Variants in CHCHD6 observed in about 807,000 individuals in gnomAD.
CHCHD6 encodes coiled-coil-helix-coiled-coil-helix domain containing 6.
Under a neutral mutation model 32.3 loss-of-function variants are expected in CHCHD6, and 28 were observed. The ratio of observed to expected loss-of-function variants is 0.87; its 90% CI spans 0.64 to 1.19. The LOEUF is 1.19. CHCHD6 is among the 50% of genes most tolerant of loss of function. The pLI is 0.00. For synonymous variants in CHCHD6, 122 were observed against 117.5 expected (o/e 1.04, Z -0.25); for missense variants, 333 against 307.0 (o/e 1.08, Z -0.63).
In CHCHD6 at chr3:126,852,648, C is replaced by T; in HGVS notation, c.413C>T (p.Ala138Val). Residue 138 changes from alanine (A) to valine (V), a missense_variant and splice_region_variant, in exon 5 of 8, where the codon GCC (alanine) becomes GTC (valine). By Grantham distance (64) the Ala-to-Val change is moderately conservative (BLOSUM62 0). Transcript: ENST00000290913. ...TGGGCTTTGTTCTCTTCCAAGCAGGCCAGGGAGCTGGAGAGCAGAGAGGCA... is the reference window on the plus strand; with the variant it reads ...TGGGCTTTGTTCTCTTCCAAGCAGGTCAGGGAGCTGGAGAGCAGAGAGGCA... ...SHEEQKSVRL[A>V]RELESREAEL... 1 of 1,612,924 alleles carries T rather than the reference C, an allele frequency of 6.2e-7. No individual in the cohort carries two copies. Among genetic ancestry groups the T allele is most frequent in the Middle Eastern group, 1.7e-4 (1 of 6,056 alleles).
At chr3:126,871,096 A>G (rs2077463815) in intron 5 of CHCHD6, among the ~76,000 whole-genome samples, 1 of 152,098 alleles carries the variant, frequency 6.6e-6, no homozygotes. Context: ...CATACGTTCC[A>G]ATTCCCTCAT....
intron 6 of CHCHD6, among the ~76,000 whole-genome samples, chr3:126,915,254 T>A (rs1302343172): frequency 6.6e-6 from 1 of 152,244 alleles, no homozygotes; most frequent in Non-Finnish European, 1.5e-5. Flanking sequence ...CTCAGAGAGC[T>A]GCTGGCTTGC....
At chr3:126,847,850 C>T (rs1032914391) in intron 4 of CHCHD6, among the ~76,000 whole-genome samples, 3 of 152,102 alleles carry the variant, frequency 2.0e-5, no homozygotes, top group East Asian at 1.9e-4. Flanking sequence ...TGGCTTCCGT[C>T]CTCCTTCCCC....
At chr3:126,949,520 GC>G (rs2078685266) in intron 6 of CHCHD6, 1 of 179,134 alleles carries the variant, frequency 5.6e-6, no homozygotes, top group African/African-American at 2.5e-5. Flanking sequence ...GTGGACTGCC[GC>G]CGTGGACGGA....
rs1167321481 is a variant in CHCHD6 at position 126,913,545 on chromosome 3, G to GGACT, written c.496-1131_496-1128dup. Among the ~76,000 whole-genome samples, 13 of 152,124 alleles carry GGACT rather than the reference G, an allele frequency of 8.5e-5. No individual in the cohort carries two copies. The South Asian group carries it at 2.7e-3, about 32-fold the overall frequency. ...AGTAGATGTGGTTGTGTCTGCAAAG[G>GGACT]GACTGACCTTAAGCCAACTCCAGGT... On this transcript the variant is annotated intron_variant, in intron 5 of 7. Coordinates refer to ENST00000290913, the MANE Select transcript of CHCHD6 (RefSeq NM_032343.3).
intron 5 of CHCHD6, among the ~76,000 whole-genome samples, chr3:126,881,660 G>A (rs915826692): frequency 2.0e-5 from 3 of 152,220 alleles, no homozygotes; most frequent in Non-Finnish European, 4.4e-5. Flanking sequence ...GGGATGGAAA[G>A]GAGCTTCTCG....
At chr3:126,767,157 G>A (rs1377203542) in intron 4 of CHCHD6, 9 of 1,591,046 alleles carry the variant, frequency 5.7e-6, no homozygotes, top group Admixed American at 1.7e-5. Context: ...AAGGAATAGA[G>A]GTTTCCTTTG....
chr3:126,801,833 C>A (rs1939091305), intron 4 of CHCHD6, among the ~76,000 whole-genome samples: 1 of 152,304 alleles, frequency 6.6e-6, no homozygotes, highest in African/African-American at 2.4e-5. Flanking sequence ...CAGACTGACA[C>A]CTCACACAGC....
At chr3:126,855,546 C>T (rs1338546866) in intron 5 of CHCHD6, among the ~76,000 whole-genome samples, 1 of 152,180 alleles carries the variant, frequency 6.6e-6, no homozygotes, top group Non-Finnish European at 1.5e-5. Flanking sequence ...CACATATATG[C>T]ATGCTGAGAT....
At chr3:126,782,256 T>C (rs1177545645) in intron 4 of CHCHD6, among the ~76,000 whole-genome samples, 3 of 152,230 alleles carry the variant, frequency 2.0e-5, no homozygotes, top group Non-Finnish European at 4.4e-5. Flanking sequence ...GCTGCCTGTT[T>C]GTTGTGCTCT....
At chr3:126,806,997 G>A (rs1033844486) in intron 4 of CHCHD6, among the ~76,000 whole-genome samples, 19 of 142,756 alleles carry the variant, frequency 1.3e-4, no homozygotes, top group East Asian at 4.2e-4. Context: ...GAATTGAACA[G>A]TGAGAACACA....
chr3:126,906,220 G>A (rs1387153964), intron 5 of CHCHD6, among the ~76,000 whole-genome samples: 1 of 152,184 alleles, frequency 6.6e-6, no homozygotes, highest in Admixed American at 6.5e-5. Flanking sequence ...TAGTGGAGAT[G>A]GTATTCCATG....
chr3:126,865,561 G>A (rs561474857), intron 5 of CHCHD6: 1 of 984,864 alleles, frequency 1.0e-6, no homozygotes, highest in Admixed American at 6.2e-5. Context: ...TTGCACTTCT[G>A]CAACCTCTGC....
chr3:126,724,315 A>G (rs922153545), intron 1 of CHCHD6, among the ~76,000 whole-genome samples: 6 of 152,222 alleles, frequency 3.9e-5, no homozygotes, highest in Non-Finnish European at 7.3e-5. Context: ...ACCACAGTAC[A>G]GTGGACATCA....
chr3:126,753,505 T>A (rs1559823763), intron 4 of CHCHD6, among the ~76,000 whole-genome samples: 1 of 151,914 alleles, frequency 6.6e-6, no homozygotes, highest in Non-Finnish European at 1.5e-5. Flanking sequence ...TGGGGTGGAG[T>A]TCTCTGTAAA....
At chr3:126,888,221 G>A (rs1406005942) in intron 5 of CHCHD6, among the ~76,000 whole-genome samples, 1 of 152,136 alleles carries the variant, frequency 6.6e-6, no homozygotes, top group Non-Finnish European at 1.5e-5. Context: ...CCGGACTCTG[G>A]GGTTACCATG....
Position 126,926,674 on chromosome 3 carries a change from T to C in CHCHD6, c.566+11924T>C, listed in dbSNP as rs567453921. ...GGCTGGTGGGACAGGGTGGTCCCAA[T>C]GTGAAGAGCCTTTGGTGCATTCTAA... On this transcript the variant is annotated intron_variant, in intron 6 of 7. Transcript: ENST00000290913. Among the ~76,000 whole-genome samples the C allele has an allele frequency of 2.0e-5, 3 of 152,216 alleles. No homozygotes were observed. In the East Asian group the frequency reaches 5.8e-4, roughly 29 times the overall value.
chr3:126,764,220 T>TAA (rs1937272983), intron 4 of CHCHD6, among the ~76,000 whole-genome samples: 1 of 147,606 alleles, frequency 6.8e-6, no homozygotes. Flanking sequence ...TATATATATA[T>TAA]ATATAAATAT....
chr3:126,856,068 G>A (rs1405576495), intron 5 of CHCHD6, among the ~76,000 whole-genome samples: 1 of 152,170 alleles, frequency 6.6e-6, no homozygotes, highest in East Asian at 1.9e-4. Context: ...ACACTGGAGG[G>A]AGAATTGTCT....
Sources: gnomAD v4.1 joint callset for allele counts (sites outside exome capture counted in the v4.1 genomes callset) on GRCh38, gnomAD v4.1.1 for gene constraint, MANE v1.5 for transcripts, NCBI Gene and HGNC (gene_info 2026-07-23, HGNC 2026-07-21) for gene names.